LSM4: variants seen among roughly 807,000 people sequenced by gnomAD.
LSM4 encodes the protein U6 snRNA-associated Sm-like protein LSm4.
LSM4 carries 15 observed loss-of-function variants against 22.3 expected under a neutral mutation model. The observed-to-expected ratio is 0.67, with a 90% CI of 0.45 to 1.03. LSM4 has a LOEUF of 1.03. Among genes scored for constraint, LSM4 ranks in the 50% least tolerant of loss-of-function variants. LSM4 has a pLI of 0.00. For synonymous variants in LSM4, 90 were observed against 79.8 expected (o/e 1.13, Z -0.68); for missense variants, 127 against 198.0 (o/e 0.64, Z 2.15).
chr19:18,316,177 GGA>G (rs1568299020), intron 1 of LSM4, 112 bp from the exon 2 acceptor site: 1 of 886,042 alleles, frequency 1.1e-6, no homozygotes, highest in South Asian at 1.6e-5. Flanking sequence ...AGGGGGCACA[GGA>G]GTGCGTGTCA....
rs529504378 is a variant in LSM4 at position 18,314,292 on chromosome 19, G to A, written c.46-1590C>T. ...TCCCAGCACTTTGGGAGGCCGAGGC[G>A]GGCGGATCACGAGGTCATGAGATCG... On this transcript the variant is annotated intron_variant, in intron 2 of 4. Transcript: ENST00000593829. 1.1e-4 allele frequency among the ~76,000 whole-genome samples: 17 copies of A among 151,864 alleles called. No homozygotes were observed. The East Asian group carries it at 2.4e-3, about 21-fold the overall frequency.
chr19:18,315,042 G>A lies in LSM4; in HGVS notation c.45+982C>T, dbSNP rs922670911. On this transcript the variant is annotated intron_variant, in intron 2 of 4. Coordinates refer to ENST00000593829, the MANE Select transcript of LSM4 (RefSeq NM_012321.5). The stretch of plus-strand genomic sequence containing the variant: ...TGGGACTGCAGGTGCCCGCCATCAC[G>A]CCCGGCTAATTTTTTTGTATTTTTA... 8.6e-5 allele frequency among the ~76,000 whole-genome samples: 13 copies of A among 151,994 alleles called. No individual in the cohort carries two copies. The East Asian group carries it at 2.1e-3, about 25-fold the overall frequency.
In LSM4 at chr19:18,307,618, G is replaced by A. The variant is rs2232972; in HGVS notation, c.329-63C>T. 1.3e-3 allele frequency: 1,594 copies of A among 1,246,180 alleles called. 14 individuals are homozygous for A. The African/African-American group carries it at 0.019, about 15-fold the overall frequency. The allele number at this position is 1,246,180 out of a possible 1,614,324, so 77.2% of individuals were successfully genotyped here. ...TGGGTGGGACCTTCGACAGGATCCC[G>A]GCGCCCTGAAACTCTAGGCCAGGTC... On this transcript the variant is annotated intron_variant, in intron 4 of 4. Transcript: ENST00000593829.
At chr19:18,312,852 G>A in intron 2 of LSM4, 150 bp from the exon 3 acceptor site, 2 of 628,528 alleles carry the variant, frequency 3.2e-6, no homozygotes, top group South Asian at 3.7e-5. Context: ...CCTTACAGGC[G>A]ACAGGCTCTG....
chr19:18,321,415 C>T (rs1970423315), intron 1 of LSM4, among the ~76,000 whole-genome samples: 1 of 152,152 alleles, frequency 6.6e-6, no homozygotes, highest in Non-Finnish European at 1.5e-5. Context: ...AGAGATCAGA[C>T]CTAACCGACT....
At chr19:18,311,501 A>G (rs928629910) in intron 3 of LSM4, among the ~76,000 whole-genome samples, 1 of 152,158 alleles carries the variant, frequency 6.6e-6, no homozygotes, top group East Asian at 1.9e-4. Flanking sequence ...CAGGCTTCTC[A>G]TGTCTAGGAC....
intron 1 of LSM4, among the ~76,000 whole-genome samples, chr19:18,318,572 A>G (rs1039225276): frequency 6.6e-6 from 1 of 152,200 alleles, no homozygotes; most frequent in Non-Finnish European, 1.5e-5. Flanking sequence ...CTTTACTGTG[A>G]AGAAGCCGTG....
intron 1 of LSM4, among the ~76,000 whole-genome samples, chr19:18,316,732 C>A (rs1482516144): frequency 6.6e-6 from 1 of 152,012 alleles, no homozygotes; most frequent in East Asian, 1.9e-4. Flanking sequence ...GTTGAGGACA[C>A]TACAGCTTGG....
intron 2 of LSM4, among the ~76,000 whole-genome samples, chr19:18,314,651 C>T (rs2148141863): frequency 6.6e-6 from 1 of 152,246 alleles, no homozygotes; most frequent in African/African-American, 2.4e-5. Flanking sequence ...CTCGAAAGGC[C>T]TCATGGTCTC....
chr19:18,323,033 G>C lies in LSM4; in HGVS notation c.-13C>G. ...CTGCCCTCACCATGGTGCCGGCGGG[G>C]ACCGGGCTCGCCGGCCACTTCCGCC... On this transcript the variant is annotated 5_prime_UTR_variant, in exon 1 of 5. Transcript: ENST00000593829. 1.9e-6 allele frequency: 3 copies of C among 1,550,570 alleles called. No homozygotes were observed. Among genetic ancestry groups the C allele is most frequent in the Non-Finnish European group, 2.6e-6 (3 of 1,156,202 alleles).
At chr19:18,322,266 C>T (rs994694066) in intron 1 of LSM4, among the ~76,000 whole-genome samples, 16 of 152,182 alleles carry the variant, frequency 1.1e-4, no homozygotes, top group African/African-American at 3.9e-4. Context: ...GGACCAGAAG[C>T]TGATGGGCCA....
chr19:18,316,246 C>T (rs1383999944), intron 1 of LSM4, 181 bp from the exon 2 acceptor site: 3 of 527,720 alleles, frequency 5.7e-6, no homozygotes, highest in Non-Finnish European at 1.0e-5. Context: ...GAACACACAC[C>T]TGCCTCTCAG....
chr19:18,307,983 A>T (rs1157432425), intron 4 of LSM4, among the ~76,000 whole-genome samples: 1 of 151,978 alleles, frequency 6.6e-6, no homozygotes, highest in African/African-American at 2.4e-5. Flanking sequence ...AACCACCCAC[A>T]GCCCCTCATC....
intron 1 of LSM4, among the ~76,000 whole-genome samples, chr19:18,318,976 C>T (rs1970390479): frequency 6.6e-6 from 1 of 152,246 alleles, no homozygotes; most frequent in Non-Finnish European, 1.5e-5. Flanking sequence ...GCCACGGAGG[C>T]TCTCGCCTGT....
intron 1 of LSM4, among the ~76,000 whole-genome samples, chr19:18,317,564 G>A (rs1040910289): frequency 6.6e-6 from 1 of 151,904 alleles, no homozygotes. Flanking sequence ...AGCCAGGATG[G>A]TCTCGATCTC....
intron 4 of LSM4, among the ~76,000 whole-genome samples, chr19:18,308,851 G>C (rs10405876): frequency 0.025 from 3,795 of 152,272 alleles, 153 homozygotes; most frequent in African/African-American, 0.084. Context: ...TGCACAGCCT[G>C]GTGGGGGTTA....
At chr19:18,309,461 C>T (rs1198290898) in intron 4 of LSM4, 12 of 569,012 alleles carry the variant, frequency 2.1e-5, no homozygotes, top group African/African-American at 3.8e-5. Context: ...CTTGATGTGC[C>T]CTGAGGACCG....
At chr19:18,311,598 C>G (rs558647161) in intron 3 of LSM4, among the ~76,000 whole-genome samples, 1 of 152,168 alleles carries the variant, frequency 6.6e-6, no homozygotes, top group Non-Finnish European at 1.5e-5. Flanking sequence ...CCCCGCTGGC[C>G]GCAGATGGGA....
chr19:18,311,133 A>G (rs1264945605), intron 3 of LSM4, among the ~76,000 whole-genome samples: 1 of 152,084 alleles, frequency 6.6e-6, no homozygotes, highest in African/African-American at 2.4e-5. Context: ...GTGGGGACTC[A>G]GGGCCTGGGC....
Sources: allele counts gnomAD v4.1 joint callset (sites outside exome capture counted in the v4.1 genomes callset), GRCh38; gene constraint gnomAD v4.1.1; transcripts MANE v1.5; gene names NCBI Gene and HGNC (gene_info 2026-07-23, HGNC 2026-07-21).